The following CTNND2 variants were observed in gnomAD, a reference collection of about 807,000 sequenced individuals.
CTNND2 encodes the protein catenin delta-2.
In CTNND2, 22 loss-of-function variants were observed where a neutral mutation model predicts 144.4. The observed-to-expected ratio is 0.15, with a 90% CI of 0.11 to 0.22. The LOEUF is 0.22. Ranked by LOEUF, CTNND2 falls within the 10% of genes least tolerant of loss-of-function variation. The probability of loss-of-function intolerance (pLI) is 1.00; values close to 1 mark genes in which losing one functional copy is unlikely to be tolerated. For missense variants in CTNND2, 1,353 were observed against 1,618.8 expected, an observed-to-expected ratio of 0.84 and a Z score of 2.82; for synonymous variants, 751 against 695.6, an observed-to-expected ratio of 1.08 and a Z score of -1.25.
intron 1 of CTNND2, among the ~76,000 whole-genome samples, chr5:11,792,957 G>T (rs912249540): frequency 6.6e-6 from 1 of 152,170 alleles, no homozygotes; most frequent in African/African-American, 2.4e-5. Context: ...CACATTTACA[G>T]AACTCTCTAA....
At chr5:11,686,957 G>C (rs529836267) in intron 2 of CTNND2, among the ~76,000 whole-genome samples, 9 of 151,260 alleles carry the variant, frequency 6.0e-5, no homozygotes, top group Non-Finnish European at 1.3e-4. Context: ...GTAAGAAAAT[G>C]GTATTTTTCA....
chr5:11,647,217 C>G (rs1024763296), intron 2 of CTNND2, among the ~76,000 whole-genome samples: 1 of 152,120 alleles, frequency 6.6e-6, no homozygotes, highest in African/African-American at 2.4e-5. Context: ...CACTGCCCCA[C>G]CCCAATTCTT....
intron 3 of CTNND2, among the ~76,000 whole-genome samples, chr5:11,471,871 A>G (rs1443150047): frequency 1.3e-5 from 2 of 152,188 alleles, no homozygotes. Context: ...AAAGAATTTG[A>G]ATTTGGTACT....
chr5:11,716,748 G>A lies in CTNND2; in HGVS notation c.174+15388C>T, dbSNP rs137894653. 7.6e-3 allele frequency among the ~76,000 whole-genome samples: 1,151 copies of A among 151,876 alleles called. 16 individuals are homozygous for A. The highest frequency in any genetic ancestry group is 0.026 in the African/African-American group (1,062 of 41,374). ...GTCACCGAGGCTGGAGTGCAGTGGC[G>A]CAATCTCAGCTTACCACAACCTCCT... On this transcript the variant is annotated intron_variant, in intron 2 of 21. Transcript: ENST00000304623.
At chr5:11,455,426 G>A (rs1581234142) in intron 3 of CTNND2, among the ~76,000 whole-genome samples, 1 of 152,152 alleles carries the variant, frequency 6.6e-6, no homozygotes, top group Non-Finnish European at 1.5e-5. Flanking sequence ...TCCATTGTGG[G>A]TGGAAATAAT....
intron 3 of CTNND2, among the ~76,000 whole-genome samples, chr5:11,475,192 A>G (rs1389505312): frequency 6.6e-6 from 1 of 152,242 alleles, no homozygotes; most frequent in African/African-American, 2.4e-5. Context: ...ATTGGCAGAA[A>G]GTGAGAGAAA....
At chr5:11,313,894 A>C (rs1471887612) in intron 9 of CTNND2, among the ~76,000 whole-genome samples, 4 of 152,134 alleles carry the variant, frequency 2.6e-5, no homozygotes, top group African/African-American at 9.7e-5. Flanking sequence ...GAGCAAGAGG[A>C]AGAGCGAGCA....
chr5:11,629,471 G>T (rs1317583435), intron 2 of CTNND2, among the ~76,000 whole-genome samples: 1 of 152,074 alleles, frequency 6.6e-6, no homozygotes. Flanking sequence ...TGTTTAGAAA[G>T]AATGTATTTC....
At chr5:11,809,058 A>T (rs1178719886) in intron 1 of CTNND2, among the ~76,000 whole-genome samples, 1 of 152,178 alleles carries the variant, frequency 6.6e-6, no homozygotes, top group Non-Finnish European at 1.5e-5. Flanking sequence ...GTAATGCTGC[A>T]GGTTGAGCAT....
At position 11,374,775 on chromosome 5, in the gene CTNND2, CTTTTT is replaced by C. The variant is rs56327510; in HGVS notation, c.1177+9885_1178-9886del. ...TCCAGAACAAGGTGCTCCCAATCTA[CTTTTT>C]TTTTTTTTTTTTTTTTTTTTTTTTG... On this transcript the variant is annotated intron_variant, in intron 7 of 21. Transcript: ENST00000304623. Among the ~76,000 whole-genome samples the C allele has an allele frequency of 2.7e-3, 268 of 99,382 alleles. 3 individuals are homozygous for C. The highest frequency in any genetic ancestry group is 0.022 in the Admixed American group (191 of 8,684). 65.2% of individuals were successfully genotyped at this position (99,382 alleles called of 152,430 possible). A position where few individuals can be genotyped will look rare whatever the true frequency, so the allele number is the denominator to read the frequency against.
At chr5:11,276,372 T>G (rs1746525306) in intron 9 of CTNND2, among the ~76,000 whole-genome samples, 1 of 152,180 alleles carries the variant, frequency 6.6e-6, no homozygotes, top group Non-Finnish European at 1.5e-5. Context: ...CACTCCTCCT[T>G]GAAGCACTCT....
chr5:11,454,344 C>T (rs1380434024), intron 3 of CTNND2, among the ~76,000 whole-genome samples: 1 of 152,060 alleles, frequency 6.6e-6, no homozygotes, highest in African/African-American at 2.4e-5. Flanking sequence ...CGCTTGAACC[C>T]GGGAGGCAGA....
At chr5:11,774,561 T>TA (rs1202575547) in intron 1 of CTNND2, among the ~76,000 whole-genome samples, 1 of 116,756 alleles carries the variant, frequency 8.6e-6, no homozygotes, top group African/African-American at 2.7e-5. Context: ...AAAAAAAAAT[T>TA]AAAAAAAAAA....
chr5:11,635,904 T>G (rs1428514), intron 2 of CTNND2, among the ~76,000 whole-genome samples: 61,657 of 151,722 alleles, frequency 0.41, 13,178 homozygotes, highest in African/African-American at 0.54. Context: ...CAGCATGTAT[T>G]TTGGAGTATC....
chr5:11,584,299 T>G (rs1337295698), intron 2 of CTNND2, among the ~76,000 whole-genome samples: 2 of 151,888 alleles, frequency 1.3e-5, no homozygotes, highest in African/African-American at 4.8e-5. Context: ...TGCAAAACAG[T>G]AGTGGAGGCG....
chr5:11,721,852 C>A (rs1349732718), intron 2 of CTNND2, among the ~76,000 whole-genome samples: 3 of 152,216 alleles, frequency 2.0e-5, no homozygotes, highest in African/African-American at 7.2e-5. Context: ...TCCCTTCCAC[C>A]ATAGTCCTAA....
chr5:11,554,503 AT>A (rs1173633218), intron 3 of CTNND2, among the ~76,000 whole-genome samples: 9 of 133,088 alleles, frequency 6.8e-5, no homozygotes, highest in East Asian at 4.4e-4. Flanking sequence ...ATAGAAAGTG[AT>A]TTTTTTTCTC....
chr5:11,412,085 TAC>T lies in CTNND2; in HGVS notation c.288-18_288-17del, dbSNP rs757837780. 2 of 1,601,404 alleles carry T rather than the reference TAC, an allele frequency of 1.2e-6. No individual in the cohort carries two copies. The highest frequency in any genetic ancestry group is 2.2e-5 in the South Asian group (2 of 90,722). ...TTCTGCTGAACTGTAAAAAAGAAAA[TAC>T]AGAGATATAATGCATTGATTAGAAA... is the stretch of plus-strand genomic sequence containing the variant. On this transcript the variant is annotated splice_polypyrimidine_tract_variant and intron_variant, in intron 3 of 21. Transcript: ENST00000304623.
chr5:11,434,686 G>A (rs908953022), intron 3 of CTNND2, among the ~76,000 whole-genome samples: 1 of 152,148 alleles, frequency 6.6e-6, no homozygotes, highest in African/African-American at 2.4e-5. Flanking sequence ...ATATTAAACT[G>A]CTAATGGTAG....
Sources: allele counts gnomAD v4.1 joint callset (sites outside exome capture counted in the v4.1 genomes callset), GRCh38; gene constraint gnomAD v4.1.1; transcripts MANE v1.5; gene names NCBI Gene and HGNC (gene_info 2026-07-23, HGNC 2026-07-21).